The following NELL1 variants were observed in gnomAD, a reference collection of about 807,000 sequenced individuals.
NELL1 encodes protein kinase C-binding protein NELL1.
Under a neutral mutation model 107.4 loss-of-function variants are expected in NELL1, and 76 were observed. The observed-to-expected ratio is 0.71, with a 90% CI of 0.59 to 0.86. The LOEUF is 0.86. Ranked by LOEUF, NELL1 falls within the 40% of genes least tolerant of loss-of-function variation. The pLI is 0.00. For synonymous variants in NELL1, 353 were observed against 341.2 expected (o/e 1.03, Z -0.38); for missense variants, 1,024 against 1,005.5 (o/e 1.02, Z -0.25).
In NELL1 at chr11:20,918,213, T is replaced by C. The variant is rs773916843; in HGVS notation, c.635T>C (p.Met212Thr). ...ATCCAAGATGGGAAGATCATCTTTA[T>C]GCCGAATGGATATATAACACAGTGT... is the stretch of plus-strand genomic sequence containing the variant. ...GIIQDGKIIFMPNGYITQCPN... is the reference protein window; with the variant it reads ...GIIQDGKIIFTPNGYITQCPN... Residue 212 changes from methionine to threonine, a missense_variant, in exon 6 of 20, where the codon ATG (methionine) becomes ACG (threonine). Coordinates refer to ENST00000357134, the MANE Select transcript of NELL1 (RefSeq NM_006157.5). 11 of 1,601,360 alleles carry C rather than the reference T, an allele frequency of 6.9e-6. No homozygotes were observed. Among genetic ancestry groups the C allele is most frequent in the Non-Finnish European group, 9.4e-6 (11 of 1,169,194 alleles).
Position 21,514,586 on chromosome 11 carries a change from T to C in NELL1, c.1646-19788T>C, listed in dbSNP as rs960409693. Among the ~76,000 whole-genome samples the C allele has an allele frequency of 2.6e-5, 4 of 152,178 alleles. No individual in the cohort carries two copies. In the South Asian group the frequency reaches 6.2e-4, roughly 24 times the overall value. The stretch of plus-strand genomic sequence containing the variant: ...AAGGTTGCCAGATTAATCTCTTTTT[T>C]GTTTTTTTTAGAGATGCCAGGCATC... On this transcript the variant is annotated intron_variant, in intron 15 of 19. Coordinates refer to ENST00000357134, the MANE Select transcript of NELL1 (RefSeq NM_006157.5).
At chr11:20,808,442 G>C (rs1173007067) in intron 3 of NELL1, among the ~76,000 whole-genome samples, 16 of 152,216 alleles carry the variant, frequency 1.1e-4, no homozygotes, top group Non-Finnish European at 5.9e-5. Flanking sequence ...GAAGGAAGCA[G>C]TCTTTCTTGG....
intron 13 of NELL1, among the ~76,000 whole-genome samples, chr11:21,176,116 G>A (rs988489895): frequency 3.3e-5 from 5 of 151,672 alleles, no homozygotes; most frequent in East Asian, 1.9e-4. Context: ...TTCTTCATGC[G>A]TTGCTGTGAG....
At chr11:21,411,885 A>G (rs570316967) in intron 15 of NELL1, among the ~76,000 whole-genome samples, 25 of 152,036 alleles carry the variant, frequency 1.6e-4, no homozygotes, top group Non-Finnish European at 3.2e-4. Flanking sequence ...TGGCTGTGAG[A>G]TTTTTACTGA....
intron 12 of NELL1, among the ~76,000 whole-genome samples, chr11:21,092,279 C>T (rs1854539564): frequency 6.6e-6 from 1 of 151,754 alleles, no homozygotes; most frequent in African/African-American, 2.4e-5. Context: ...GACAATAGCT[C>T]AGTGGTTAAG....
intron 3 of NELL1, among the ~76,000 whole-genome samples, chr11:20,844,885 A>G (rs760489604): frequency 6.6e-6 from 1 of 152,206 alleles, no homozygotes; most frequent in Non-Finnish European, 1.5e-5. Flanking sequence ...ACAAGGTTCT[A>G]CTAGAAAACA....
chr11:21,093,882 G>A (rs968527792), intron 12 of NELL1, among the ~76,000 whole-genome samples: 3 of 152,092 alleles, frequency 2.0e-5, no homozygotes, highest in Non-Finnish European at 4.4e-5. Context: ...TTTGGTTGGG[G>A]AAACAGCCAA....
intron 12 of NELL1, among the ~76,000 whole-genome samples, chr11:21,073,142 G>C (rs1489159615): frequency 6.6e-6 from 1 of 152,116 alleles, no homozygotes; most frequent in Non-Finnish European, 1.5e-5. Flanking sequence ...AAATTATGTT[G>C]AGTCTGTTTG....
chr11:21,303,929 G>A (rs986505477), intron 14 of NELL1, among the ~76,000 whole-genome samples: 2 of 151,954 alleles, frequency 1.3e-5, no homozygotes, highest in African/African-American at 4.8e-5. Flanking sequence ...TCCTCACATG[G>A]TGGAAGGCAA....
At chr11:20,905,093 G>T (rs1327042212) in intron 5 of NELL1, among the ~76,000 whole-genome samples, 2 of 150,876 alleles carry the variant, frequency 1.3e-5, no homozygotes. Context: ...TCTTTCCACA[G>T]CCTATCAGAG....
intron 14 of NELL1, among the ~76,000 whole-genome samples, chr11:21,295,147 C>A (rs964870503): frequency 1.3e-5 from 2 of 152,046 alleles, no homozygotes; most frequent in African/African-American, 4.8e-5. Flanking sequence ...TTCTCACATT[C>A]ACCCATTATG....
intron 12 of NELL1, among the ~76,000 whole-genome samples, chr11:21,058,426 A>G (rs1315394893): frequency 6.6e-6 from 1 of 152,150 alleles, no homozygotes; most frequent in Non-Finnish European, 1.5e-5. Context: ...GTTTAAATTA[A>G]ATCGTTGTTC....
intron 13 of NELL1, among the ~76,000 whole-genome samples, chr11:21,135,499 G>C (rs1855725542): frequency 6.6e-6 from 1 of 152,070 alleles, no homozygotes; most frequent in Admixed American, 6.6e-5. Flanking sequence ...CCCAACTTTG[G>C]AACCAAAGAG....
chr11:21,028,267 C>G (rs146383667), intron 12 of NELL1, among the ~76,000 whole-genome samples: 10 of 152,164 alleles, frequency 6.6e-5, no homozygotes, highest in African/African-American at 2.4e-4. Context: ...TTAATGCTCT[C>G]CCGGTGATTC....
At chr11:21,199,978 A>G (rs1344119907) in intron 13 of NELL1, among the ~76,000 whole-genome samples, 1 of 152,102 alleles carries the variant, frequency 6.6e-6, no homozygotes, top group African/African-American at 2.4e-5. Flanking sequence ...ACGTGAACCC[A>G]TCCGTTTTAT....
At chr11:20,997,395 C>T (rs1852114753) in intron 12 of NELL1, among the ~76,000 whole-genome samples, 1 of 152,128 alleles carries the variant, frequency 6.6e-6, no homozygotes, top group South Asian at 2.1e-4. Context: ...GATTCTATCA[C>T]CCCAAGTCAG....
At chr11:20,707,865 T>C (rs577981002) in intron 2 of NELL1, among the ~76,000 whole-genome samples, 1 of 152,330 alleles carries the variant, frequency 6.6e-6, no homozygotes, top group African/African-American at 2.4e-5. Flanking sequence ...AACTACTTTC[T>C]TCAAAGCTGT....
At chr11:21,549,234 G>A (rs975377141) in intron 16 of NELL1, among the ~76,000 whole-genome samples, 37 of 151,806 alleles carry the variant, frequency 2.4e-4, no homozygotes, top group Admixed American at 7.2e-4. Flanking sequence ...TGAGTATTTT[G>A]CAAGGACAAA....
intron 12 of NELL1, among the ~76,000 whole-genome samples, chr11:21,038,942 C>T (rs1041413099): frequency 6.6e-6 from 1 of 152,114 alleles, no homozygotes; most frequent in African/African-American, 2.4e-5. Context: ...GTAGTGAGTG[C>T]TGACTTACAT....
Sources: allele counts gnomAD v4.1 joint callset (sites outside exome capture counted in the v4.1 genomes callset), GRCh38; gene constraint gnomAD v4.1.1; transcripts MANE v1.5; gene names NCBI Gene and HGNC (gene_info 2026-07-23, HGNC 2026-07-21).